Variants in HORMAD2 observed in about 807,000 individuals in gnomAD.
HORMAD2 encodes the protein HORMA domain containing 2.
A neutral mutation model predicts 38.8 loss-of-function variants in HORMAD2; 45 were observed. The ratio of observed to expected loss-of-function variants is 1.16; its 90% CI spans 0.91 to 1.49. The LOEUF is 1.49. HORMAD2 is among the 40% of genes most tolerant of loss of function. The pLI is 0.00. For synonymous variants in HORMAD2, 126 were observed against 122.8 expected (o/e 1.03, Z -0.17); for missense variants, 338 against 367.0 (o/e 0.92, Z 0.65).
chr22:30,124,214 C>T (rs2146135200), intron 10 of HORMAD2, among the ~76,000 whole-genome samples: 1 of 149,808 alleles, frequency 6.7e-6, no homozygotes, highest in Non-Finnish European at 1.5e-5. Flanking sequence ...TGTCACTTTC[C>T]CACTAAGGAT....
At chr22:30,148,526 T>C (rs1250350599) in intron 10 of HORMAD2, among the ~76,000 whole-genome samples, 1 of 152,178 alleles carries the variant, frequency 6.6e-6, no homozygotes, top group East Asian at 1.9e-4. Flanking sequence ...TTTTACATTC[T>C]GTTTCATGTA....
At chr22:30,093,426 G>A (rs1035695634) in intron 1 of HORMAD2, among the ~76,000 whole-genome samples, 10 of 151,990 alleles carry the variant, frequency 6.6e-5, no homozygotes, top group African/African-American at 2.4e-4. Context: ...GGAATAACAA[G>A]GATTAATAAT....
In HORMAD2 at chr22:30,175,249, TAA is replaced by T. The variant is rs1166711503; in HGVS notation, c.820-813_820-812del. 2.7e-3 allele frequency among the ~76,000 whole-genome samples: 379 copies of T among 142,976 alleles called. 4 individuals are homozygous for T. The highest frequency in any genetic ancestry group is 9.2e-3 in the African/African-American group (361 of 39,154). 93.8% of individuals were successfully genotyped at this position (142,976 alleles called of 152,430 possible). On this transcript the variant is annotated intron_variant, in intron 10 of 10. Transcript: ENST00000336726. Reference sequence around the variant, plus strand: ...ATTATAGAATATATTATATATAATATAATATAGAATATATATAATAATATATA... The same window carrying T: ...ATTATAGAATATATTATATATAATATTATAGAATATATATAATAATATATA...
intron 8 of HORMAD2, among the ~76,000 whole-genome samples, chr22:30,119,819 C>T (rs766531153): frequency 1.2e-4 from 18 of 152,140 alleles, no homozygotes; most frequent in Non-Finnish European, 2.5e-4. Flanking sequence ...CTACTATTAG[C>T]TCTGGCTCAT....
intron 1 of HORMAD2, among the ~76,000 whole-genome samples, chr22:30,081,576 C>T (rs1201376878): frequency 7.0e-6 from 1 of 142,028 alleles, no homozygotes; most frequent in Non-Finnish European, 1.6e-5. Context: ...CTTTCCTTTT[C>T]TTTTTTCTTT....
chr22:30,121,658 G>A lies in HORMAD2; in HGVS notation c.437G>A (p.Ser146Asn). ...DSHSSSTSFESGTNNEDIKKA... is the reference protein window; with the variant it reads ...DSHSSSTSFENGTNNEDIKKA... ...CATAGCAGCAGTACAAGCTTTGAAA[G>A]TGGAACAAACAATGAAGATATTAAG... is the stretch of plus-strand genomic sequence containing the variant. The change falls in exon 9 of 11, where the codon AGT becomes AAT. Residue 146 changes from serine to asparagine, a missense_variant. Coordinates refer to ENST00000336726, the MANE Select transcript of HORMAD2 (RefSeq NM_152510.4). The A allele has an allele frequency of 1.2e-6, 2 of 1,600,426 alleles. No homozygotes were observed. The highest frequency in any genetic ancestry group is 1.7e-6 in the Non-Finnish European group (2 of 1,173,010).
At chr22:30,103,019 G>T (rs1920964637) in intron 3 of HORMAD2, among the ~76,000 whole-genome samples, 1 of 152,138 alleles carries the variant, frequency 6.6e-6, no homozygotes, top group African/African-American at 2.4e-5. Context: ...AATAATCCGT[G>T]TGAAATTTTT....
intron 10 of HORMAD2, among the ~76,000 whole-genome samples, chr22:30,164,025 C>T (rs1048900806): frequency 6.6e-6 from 1 of 152,130 alleles, no homozygotes; most frequent in African/African-American, 2.4e-5. Flanking sequence ...ACTCTATATA[C>T]CTTACACAAG....
intron 10 of HORMAD2, among the ~76,000 whole-genome samples, chr22:30,144,412 A>G (rs1924280419): frequency 6.6e-6 from 1 of 152,188 alleles, no homozygotes; most frequent in Non-Finnish European, 1.5e-5. Flanking sequence ...TTGCCTTTTG[A>G]TACAACCTCC....
At chr22:30,165,312 G>A (rs993650345) in intron 10 of HORMAD2, among the ~76,000 whole-genome samples, 3 of 152,146 alleles carry the variant, frequency 2.0e-5, no homozygotes, top group Non-Finnish European at 4.4e-5. Flanking sequence ...CTGTAGGTTT[G>A]TAGTAAGCTT....
chr22:30,082,838 C>T (rs2068508467), intron 1 of HORMAD2, among the ~76,000 whole-genome samples: 1 of 149,392 alleles, frequency 6.7e-6, no homozygotes, highest in African/African-American at 2.5e-5. Context: ...AATGAATACA[C>T]AACAACAAAA....
intron 1 of HORMAD2, among the ~76,000 whole-genome samples, chr22:30,088,046 C>CACGTATACATATACACAT (rs1569079332): frequency 4.0e-3 from 383 of 95,592 alleles, no homozygotes; most frequent in Non-Finnish European, 5.0e-3. Context: ...TGTATACACA[C>CACGTATACATATACACAT]GTACACACGT....
intron 10 of HORMAD2, among the ~76,000 whole-genome samples, chr22:30,125,028 T>G (rs991470854): frequency 6.6e-6 from 1 of 152,056 alleles, no homozygotes; most frequent in African/African-American, 2.4e-5. Context: ...GTGCATCTTT[T>G]CTTTGGCCAT....
intron 10 of HORMAD2, among the ~76,000 whole-genome samples, chr22:30,144,384 C>T (rs1168178109): frequency 3.3e-5 from 5 of 152,248 alleles, no homozygotes; most frequent in African/African-American, 1.2e-4. Flanking sequence ...TGTAATGAAT[C>T]TACCAATCTC....
intron 5 of HORMAD2, among the ~76,000 whole-genome samples, chr22:30,109,184 C>T (rs1238369292): frequency 6.6e-6 from 1 of 151,864 alleles, no homozygotes; most frequent in Non-Finnish European, 1.5e-5. Flanking sequence ...GCCACTACAC[C>T]TGGCTAATTT....
At chr22:30,162,014 T>C (rs1025458228) in intron 10 of HORMAD2, among the ~76,000 whole-genome samples, 26 of 152,270 alleles carry the variant, frequency 1.7e-4, no homozygotes, top group Non-Finnish European at 2.5e-4. Flanking sequence ...TTCCTTTGCA[T>C]TTAAAATACA....
intron 10 of HORMAD2, among the ~76,000 whole-genome samples, chr22:30,139,474 C>T (rs763826021): frequency 6.6e-6 from 1 of 151,386 alleles, no homozygotes; most frequent in African/African-American, 2.4e-5. Flanking sequence ...TTCCTGATTA[C>T]TTTCTATATC....
chr22:30,201,569 C>T, the HORMAD2 span, among the ~76,000 whole-genome samples: 3 of 152,108 alleles, frequency 2.0e-5, no homozygotes, highest in East Asian at 1.9e-4. Context: ...AGGCGCCCAC[C>T]CCCTCGCCCG....
rs1167990121 is a variant in HORMAD2, at chr22:30,125,216, C to CTTTTTTTTTTTTTT, written c.819+3015_819+3028dup. Among the ~76,000 whole-genome samples, 183 of 43,476 alleles carry CTTTTTTTTTTTTTT rather than the reference C, an allele frequency of 4.2e-3. 39 individuals are homozygous for CTTTTTTTTTTTTTT. The highest frequency in any genetic ancestry group is 5.0e-3 in the Non-Finnish European group (125 of 25,028). 28.5% of individuals were successfully genotyped at this position (43,476 alleles called of 152,430 possible). On this transcript the variant is annotated intron_variant, in intron 10 of 10. Coordinates refer to ENST00000336726, the MANE Select transcript of HORMAD2 (RefSeq NM_152510.4). The stretch of plus-strand genomic sequence containing the variant: ...CATCTTTTCACTTTCTTTTTCTTTT[C>CTTTTTTTTTTTTTT]TTTTTTTTTTTTTTTTTTTTTTTTT...
Sources: allele counts gnomAD v4.1 joint callset (sites outside exome capture counted in the v4.1 genomes callset), GRCh38; gene constraint gnomAD v4.1.1; transcripts MANE v1.5; gene names NCBI Gene and HGNC (gene_info 2026-07-23, HGNC 2026-07-21).